The following ABTB3 variants were observed in gnomAD, a reference collection of about 807,000 sequenced individuals.
ABTB3 encodes the protein ankyrin repeat and BTB domain containing 3.
At chr12:107,441,145 G>A in the ABTB3 span, among the ~76,000 whole-genome samples, 17 of 152,148 alleles carry the variant, frequency 1.1e-4, no homozygotes, top group Admixed American at 2.6e-4. Context: ...TGGGGGTCAC[G>A]TGGCCACACG....
the ABTB3 span, among the ~76,000 whole-genome samples, chr12:107,337,236 G>T: frequency 3.0e-4 from 45 of 152,310 alleles, no homozygotes; most frequent in South Asian, 6.0e-3. Context: ...AGAACCAGGG[G>T]GATTAATAGA....
At chr12:107,609,360 T>TA in the ABTB3 span, among the ~76,000 whole-genome samples, 1 of 152,250 alleles carries the variant, frequency 6.6e-6, no homozygotes, top group East Asian at 1.9e-4. Flanking sequence ...ACATCCTTTA[T>TA]AAGCAGAATT....
chr12:107,578,723 T>TA, the ABTB3 span, among the ~76,000 whole-genome samples: 2 of 152,118 alleles, frequency 1.3e-5, no homozygotes, highest in Non-Finnish European at 2.9e-5. Context: ...CAGCGTGTGT[T>TA]TATTGAGTGC....
chr12:107,580,108 T>C, the ABTB3 span, among the ~76,000 whole-genome samples: 78 of 152,300 alleles, frequency 5.1e-4, no homozygotes, highest in Non-Finnish European at 9.4e-4. Context: ...CCCTGATCTA[T>C]GGAATCAGAA....
At chr12:107,490,647 G>A in the ABTB3 span, among the ~76,000 whole-genome samples, 2 of 152,300 alleles carry the variant, frequency 1.3e-5, no homozygotes, top group East Asian at 3.9e-4. Context: ...GCATTTAAAT[G>A]TATAATGCAT....
At chr12:107,319,968 C>T in the ABTB3 span, 1 of 1,582,468 alleles carries the variant, frequency 6.3e-7, no homozygotes, top group Non-Finnish European at 8.6e-7. Flanking sequence ...CTCCACGAGG[C>T]GCCCAAGTTC....
chr12:107,472,516 T>C, the ABTB3 span, among the ~76,000 whole-genome samples: 3 of 152,300 alleles, frequency 2.0e-5, no homozygotes, highest in South Asian at 6.2e-4. Flanking sequence ...GGCAATTTGG[T>C]TGGCCTCTCT....
chr12:107,352,267 T>A, the ABTB3 span, among the ~76,000 whole-genome samples: 2 of 152,064 alleles, frequency 1.3e-5, no homozygotes, highest in African/African-American at 2.4e-5. Flanking sequence ...CCAAATGATG[T>A]TCAGGAGTTG....
the ABTB3 span, among the ~76,000 whole-genome samples, chr12:107,488,470 A>G: frequency 2.6e-5 from 4 of 152,122 alleles, no homozygotes; most frequent in Non-Finnish European, 5.9e-5. Context: ...GGAGTGACCA[A>G]GAAATGCTTG....
the ABTB3 span, among the ~76,000 whole-genome samples, chr12:107,437,978 C>A: frequency 3.3e-5 from 5 of 152,064 alleles, no homozygotes; most frequent in Non-Finnish European, 5.9e-5. Flanking sequence ...ATCAGAGCTG[C>A]TAAGTCTCAA....
At chr12:107,586,224 A>G in the ABTB3 span, among the ~76,000 whole-genome samples, 1 of 152,094 alleles carries the variant, frequency 6.6e-6, no homozygotes, top group African/African-American at 2.4e-5. Context: ...ATGGCTTTCC[A>G]TAAGCCAACT....
At chr12:107,458,095 C>T in the ABTB3 span, among the ~76,000 whole-genome samples, 4 of 152,186 alleles carry the variant, frequency 2.6e-5, no homozygotes, top group African/African-American at 9.7e-5. Flanking sequence ...TATCTTTGTT[C>T]TTTCTCCTCA....
At chr12:107,372,772 C>T in the ABTB3 span, among the ~76,000 whole-genome samples, 62 of 152,280 alleles carry the variant, frequency 4.1e-4, no homozygotes, top group Middle Eastern at 3.4e-3. Context: ...TCCTCCTTTT[C>T]TTACTTTATT....
chr12:107,639,653 C>T, the ABTB3 span, among the ~76,000 whole-genome samples: 1 of 152,126 alleles, frequency 6.6e-6, no homozygotes, highest in African/African-American at 2.4e-5. Context: ...ACAGGCAAAT[C>T]GGAGGATCCT....
the ABTB3 span, among the ~76,000 whole-genome samples, chr12:107,416,230 TC>T: frequency 2.0e-5 from 3 of 152,174 alleles, no homozygotes; most frequent in Non-Finnish European, 4.4e-5. Flanking sequence ...TTCCTTCCAT[TC>T]CTTGTGCAAT....
the ABTB3 span, among the ~76,000 whole-genome samples, chr12:107,459,890 G>A: frequency 2.0e-5 from 3 of 152,274 alleles, no homozygotes; most frequent in South Asian, 4.1e-4. Context: ...TGGCCCTCCC[G>A]CCCTGCAGAC....
the ABTB3 span, among the ~76,000 whole-genome samples, chr12:107,323,378 A>G: frequency 1.3e-5 from 2 of 152,234 alleles, no homozygotes; most frequent in African/African-American, 4.8e-5. Context: ...AACTAGTCAC[A>G]TGGGACTGGA....
chr12:107,479,345 T>C, the ABTB3 span, among the ~76,000 whole-genome samples: 1 of 151,946 alleles, frequency 6.6e-6, no homozygotes, highest in African/African-American at 2.4e-5. Context: ...GGGTCTTTGG[T>C]ACAGTGAAGA....
At chr12:107,631,908 T>C in the ABTB3 span, among the ~76,000 whole-genome samples, 1 of 152,218 alleles carries the variant, frequency 6.6e-6, no homozygotes, top group Non-Finnish European at 1.5e-5. Flanking sequence ...TCTCTTCCCC[T>C]TTTTCCATAC....
Sources: gnomAD v4.1 joint callset for allele counts (sites outside exome capture counted in the v4.1 genomes callset) on GRCh38, gnomAD v4.1.1 for gene constraint, MANE v1.5 for transcripts, NCBI Gene and HGNC (gene_info 2026-07-23, HGNC 2026-07-21) for gene names.